The following UBL7 variants were observed in gnomAD, a reference collection of about 807,000 sequenced individuals.
The protein encoded by UBL7 is ubiquitin like 7, also known as ubiquitin-like protein 7.
A neutral mutation model predicts 41.7 loss-of-function variants in UBL7; 21 were observed. That is an observed-to-expected ratio of 0.50 (90% confidence interval 0.36 to 0.73). UBL7 has a LOEUF of 0.73. Ranked by LOEUF, UBL7 falls within the 30% of genes least tolerant of loss-of-function variation. UBL7 has a pLI of 0.00. For missense variants in UBL7, 403 were observed against 478.4 expected, an observed-to-expected ratio of 0.84 and a Z score of 1.47; for synonymous variants, 157 against 186.9, an observed-to-expected ratio of 0.84 and a Z score of 1.31.
intron 3 of UBL7, among the ~76,000 whole-genome samples, chr15:74,455,195 G>C (rs1347768250): frequency 2.0e-5 from 3 of 152,188 alleles, no homozygotes; most frequent in Non-Finnish European, 4.4e-5. Flanking sequence ...ACTGAAAGGG[G>C]GGTAAATTTC....
Position 74,452,311 on chromosome 15 carries a change from G to A in UBL7, c.372C>T (p.Ser124=), listed in dbSNP as rs576573089. 595 of 1,558,472 alleles carry A rather than the reference G, an allele frequency of 3.8e-4. 5 individuals are homozygous for A. In the South Asian group the frequency reaches 6.5e-3, roughly 17 times the overall value. ...RVLHTALHSS[S]SYREAVFKML... is the part of the protein sequence containing the mutation. The stretch of plus-strand genomic sequence containing the variant: ...ACACACTCACCGCCTCCCTGTAAGA[G>A]GAGCTGCTGTGCAGGGCAGTGTGCA... Residue 124 remains serine (S), a synonymous_variant, in exon 4 of 11, where the codon TCC becomes TCT. Transcript: ENST00000395081.
chr15:74,453,454 G>A (rs1464208252), intron 3 of UBL7, among the ~76,000 whole-genome samples: 2 of 152,098 alleles, frequency 1.3e-5, no homozygotes, highest in Non-Finnish European at 2.9e-5. Flanking sequence ...TGAGAGGGAG[G>A]GTGAAGATAG....
chr15:74,454,911 T>C (rs563304497), intron 3 of UBL7, among the ~76,000 whole-genome samples: 4 of 152,228 alleles, frequency 2.6e-5, no homozygotes, highest in African/African-American at 9.6e-5. Context: ...TCAGCCAAGA[T>C]AGAAAGATAC....
chr15:74,460,779 C>T (rs143272085), intron 1 of UBL7: 1 of 1,270,968 alleles, frequency 7.9e-7, no homozygotes, highest in East Asian at 5.6e-5. Flanking sequence ...AAAGAGACCT[C>T]TGATAGAGAA....
In UBL7 at chr15:74,448,459, A is replaced by G. The variant is rs2061206769; in HGVS notation, c.1005+19T>C. ...TAACAAGGAAGCCACATGGAAACCA[A>G]GACGTGGGGAAGACTGACCTGAAGG... On this transcript the variant is annotated intron_variant, in intron 10 of 10. Coordinates refer to ENST00000395081, the MANE Select transcript of UBL7 (RefSeq NM_032907.5). 2 of 1,612,760 alleles carry G rather than the reference A, an allele frequency of 1.2e-6. No individual in the cohort carries two copies. The highest frequency in any genetic ancestry group is 1.3e-5 in the African/African-American group (1 of 75,004).
Position 74,445,978 on chromosome 15 carries a change from A to C in UBL7, c.*112T>G. 7.0e-7 allele frequency: 1 copy of C among 1,425,072 alleles called. No individual in the cohort carries two copies. Among genetic ancestry groups the C allele is most frequent in the Non-Finnish European group, 9.5e-7 (1 of 1,054,654 alleles). 88.3% of individuals were successfully genotyped at this position (1,425,072 alleles called of 1,614,324 possible). A position where few individuals can be genotyped will look rare whatever the true frequency, so the allele number is the denominator to read the frequency against. On this transcript the variant is annotated 3_prime_UTR_variant, in exon 11 of 11. Coordinates refer to ENST00000395081, the MANE Select transcript of UBL7 (RefSeq NM_032907.5). ...AAGGTCAAGAACTGGACAAAGCAGGAGAGTTGACCATCAGGTATATTGGGG... is the reference window on the plus strand; with the variant it reads ...AAGGTCAAGAACTGGACAAAGCAGGCGAGTTGACCATCAGGTATATTGGGG...
Position 74,452,318 on chromosome 15 carries a change from C to T in UBL7, c.365G>A (p.Ser122Asn). ...CACCGCCTCCCTGTAAGAGGAGCTG[C>T]TGTGCAGGGCAGTGTGCAACACCCG... ...EFRVLHTALH[S>N]SSSYREAVFK... is the part of the protein sequence containing the mutation. Residue 122 changes from serine (S) to asparagine (N), a missense_variant, in exon 4 of 11, where the codon AGC (serine) becomes AAC (asparagine). Physicochemically the swap from Ser to Asn is conservative, Grantham distance 46. Coordinates refer to ENST00000395081, the MANE Select transcript of UBL7 (RefSeq NM_032907.5). The T allele has an allele frequency of 3.8e-6, 6 of 1,559,386 alleles. No homozygotes were observed. Among genetic ancestry groups the T allele is most frequent in the Non-Finnish European group, 5.2e-6 (6 of 1,150,514 alleles).
At chr15:74,458,930 C>T in intron 1 of UBL7, 34 bp from the exon 2 acceptor site, 1 of 1,585,688 alleles carries the variant, frequency 6.3e-7, no homozygotes, top group East Asian at 2.2e-5. Context: ...GGTTAAAAGA[C>T]AGACCACCAC....
intron 10 of UBL7, among the ~76,000 whole-genome samples, chr15:74,447,241 C>T (rs146139385): frequency 1.1e-4 from 16 of 152,184 alleles, no homozygotes; most frequent in Non-Finnish European, 2.9e-5. Context: ...GACTTCATGG[C>T]CTTATGACCC....
chr15:74,448,189 C>T (rs1022216754), intron 10 of UBL7, among the ~76,000 whole-genome samples: 1 of 152,196 alleles, frequency 6.6e-6, no homozygotes, highest in East Asian at 1.9e-4. Flanking sequence ...TACACATGCT[C>T]AGTCAATGAT....
chr15:74,456,910 A>C (rs901708515), intron 2 of UBL7, among the ~76,000 whole-genome samples: 3 of 152,228 alleles, frequency 2.0e-5, no homozygotes, highest in Admixed American at 2.0e-4. Flanking sequence ...CCTGGGGTCA[A>C]GCAATTCTCC....
At chr15:74,455,240 A>C (rs2141322554) in intron 3 of UBL7, among the ~76,000 whole-genome samples, 1 of 152,372 alleles carries the variant, frequency 6.6e-6, no homozygotes, top group South Asian at 2.1e-4. Flanking sequence ...CATGAACATT[A>C]TAAAAAGATG....
chr15:74,452,396 CAG>C lies in UBL7; in HGVS notation c.305-20_305-19del, dbSNP rs1567089732. 4 of 1,553,514 alleles carry C rather than the reference CAG, an allele frequency of 2.6e-6. No individual in the cohort carries two copies. The East Asian group carries it at 9.7e-5, about 38-fold the overall frequency. ...CACAGGTTCTGGGGGACAAGACATT[CAG>C]AGTTACCCTATAGCGCAGGTCCTGT... On this transcript the variant is annotated intron_variant, in intron 3 of 10. Transcript: ENST00000395081.
chr15:74,460,711 G>A (rs768576886), intron 1 of UBL7: 17 of 1,289,232 alleles, frequency 1.3e-5, no homozygotes, highest in South Asian at 8.6e-5. Flanking sequence ...AAACTCTGAC[G>A]GCGGAAGAAT....
chr15:74,449,670 A>T lies in UBL7; in HGVS notation c.670T>A (p.Phe224Ile). 2 of 1,614,168 alleles carry T rather than the reference A, an allele frequency of 1.2e-6. No homozygotes were observed. The highest frequency in any genetic ancestry group is 1.7e-6 in the Non-Finnish European group (2 of 1,180,030). The change falls in exon 8 of 11, where the codon TTC (phenylalanine) becomes ATC (isoleucine). Residue 224 changes from phenylalanine (F) to isoleucine (I), a missense_variant. Physicochemically the swap from Phe to Ile is conservative, Grantham distance 21 (BLOSUM62 0). Coordinates refer to ENST00000395081, the MANE Select transcript of UBL7 (RefSeq NM_032907.5). Reference protein sequence around the residue: ...SSSYRDMPGGFLFEGLSDDED... With the variant: ...SSSYRDMPGGILFEGLSDDED... ...TCATCTGAGAGCCCTTCAAACAGGA[A>T]GCCACCTGGAGGAGGACGAACAGAT...
At chr15:74,450,946 T>G in intron 5 of UBL7, 87 bp from the exon 6 acceptor site, 1 of 1,390,398 alleles carries the variant, frequency 7.2e-7, no homozygotes, top group South Asian at 1.2e-5. Context: ...AGCAACCAGC[T>G]CAACAGGGAC....
chr15:74,454,721 T>C (rs2061279403), intron 3 of UBL7, among the ~76,000 whole-genome samples: 1 of 152,154 alleles, frequency 6.6e-6, no homozygotes, highest in Non-Finnish European at 1.5e-5. Context: ...TACAGGATTT[T>C]GGTTTTGTCT....
At chr15:74,448,728 C>A in intron 9 of UBL7, 128 bp from the exon 10 acceptor site, 6 of 1,334,574 alleles carry the variant, frequency 4.5e-6, no homozygotes, top group Non-Finnish European at 6.2e-6. Flanking sequence ...CAAAGACCTG[C>A]CATAAGACAA....
chr15:74,458,637 C>A (rs530465808), intron 2 of UBL7, 47 bp downstream of exon 2: 54 of 1,541,354 alleles, frequency 3.5e-5, no homozygotes, highest in Non-Finnish European at 4.3e-5. Context: ...TATCCTCCCC[C>A]AAAAGAGATC....
Sources: gnomAD v4.1 joint callset for allele counts (sites outside exome capture counted in the v4.1 genomes callset) on GRCh38, gnomAD v4.1.1 for gene constraint, MANE v1.5 for transcripts, NCBI Gene and HGNC (gene_info 2026-07-23, HGNC 2026-07-21) for gene names.